FSHR: variants seen among roughly 807,000 people sequenced by gnomAD.
FSHR encodes follicle stimulating hormone receptor.
Under a neutral mutation model 52.1 loss-of-function variants are expected in FSHR, and 46 were observed. That is an observed-to-expected ratio of 0.88 (90% CI 0.70 to 1.13). The LOEUF (loss-of-function observed/expected upper bound fraction) is 1.13. Among genes scored for constraint, FSHR ranks in the 50% most tolerant of loss-of-function variants. The pLI, the probability that FSHR is intolerant of heterozygous loss-of-function variation, is 0.00. For missense variants in FSHR, 964 were observed against 834.6 expected (o/e 1.16, Z -1.91); for synonymous variants, 399 against 309.6 (o/e 1.29, Z -3.03).
intron 2 of FSHR, among the ~76,000 whole-genome samples, chr2:49,026,909 T>A (rs1667929726): frequency 6.6e-6 from 1 of 152,178 alleles, no homozygotes. Context: ...AATCTGCTGA[T>A]GAGGCAAATG....
chr2:49,112,423 T>C (rs1671455158), intron 1 of FSHR, among the ~76,000 whole-genome samples: 1 of 152,188 alleles, frequency 6.6e-6, no homozygotes, highest in African/African-American at 2.4e-5. Context: ...GGAAAGTTGG[T>C]AAACCTAGAT....
chr2:49,112,640 G>C (rs1266940428), intron 1 of FSHR, among the ~76,000 whole-genome samples: 3 of 152,166 alleles, frequency 2.0e-5, no homozygotes, highest in African/African-American at 7.2e-5. Context: ...GTATATTAAA[G>C]AGAGTGTTAG....
At chr2:49,109,955 G>A (rs997202454) in intron 1 of FSHR, among the ~76,000 whole-genome samples, 5 of 152,136 alleles carry the variant, frequency 3.3e-5, no homozygotes, top group African/African-American at 4.8e-5. Context: ...GAGAGTTGGG[G>A]CTATGCAGGT....
At chr2:49,122,688 G>T (rs1671860153) in intron 1 of FSHR, among the ~76,000 whole-genome samples, 2 of 151,950 alleles carry the variant, frequency 1.3e-5, no homozygotes, top group South Asian at 2.1e-4. Flanking sequence ...CCTACTCCAG[G>T]GTGTGCAATA....
chr2:49,069,981 C>G (rs1158075422), intron 1 of FSHR, among the ~76,000 whole-genome samples: 1 of 152,136 alleles, frequency 6.6e-6, no homozygotes, highest in Non-Finnish European at 1.5e-5. Context: ...CTCAGGCAAT[C>G]AGGTCTTTTC....
intron 5 of FSHR, among the ~76,000 whole-genome samples, chr2:48,989,560 C>T (rs938580967): frequency 6.6e-6 from 1 of 152,152 alleles, no homozygotes; most frequent in Non-Finnish European, 1.5e-5. Context: ...GGATTAGAGC[C>T]ACTGGCCACT....
intron 1 of FSHR, among the ~76,000 whole-genome samples, chr2:49,148,227 A>G (rs749909477): frequency 1.3e-5 from 2 of 151,976 alleles, no homozygotes; most frequent in African/African-American, 4.8e-5. Context: ...TAGAATATTC[A>G]ACTTTTAACT....
intron 1 of FSHR, among the ~76,000 whole-genome samples, chr2:49,092,883 C>T (rs921389547): frequency 3.9e-5 from 6 of 152,142 alleles, no homozygotes; most frequent in Non-Finnish European, 1.5e-5. Flanking sequence ...GCAGGCTGGT[C>T]TCGAACTCCT....
intron 8 of FSHR, among the ~76,000 whole-genome samples, chr2:48,971,635 C>A (rs1390203307): frequency 2.0e-5 from 3 of 152,128 alleles, no homozygotes; most frequent in Non-Finnish European, 4.4e-5. Context: ...TAGATCAAAT[C>A]TCCTATATAC....
chr2:49,081,024 C>T (rs949433060), intron 1 of FSHR, among the ~76,000 whole-genome samples: 4 of 152,116 alleles, frequency 2.6e-5, no homozygotes, highest in African/African-American at 9.7e-5. Flanking sequence ...TATGGAAAGA[C>T]AATAAGAGTT....
At chr2:49,118,331 G>C (rs540074846) in intron 1 of FSHR, among the ~76,000 whole-genome samples, 3 of 151,990 alleles carry the variant, frequency 2.0e-5, no homozygotes, top group African/African-American at 7.2e-5. Flanking sequence ...GGGGCCAAAG[G>C]GGAGAAAAGA....
At chr2:49,093,156 GA>G (rs199700056) in intron 1 of FSHR, among the ~76,000 whole-genome samples, 1 of 152,148 alleles carries the variant, frequency 6.6e-6, no homozygotes, top group African/African-American at 2.4e-5. Context: ...GTCTAATTTT[GA>G]TATCAGAGTA....
intron 1 of FSHR, among the ~76,000 whole-genome samples, chr2:49,105,181 G>A (rs1048160790): frequency 6.6e-6 from 1 of 152,106 alleles, no homozygotes; most frequent in African/African-American, 2.4e-5. Context: ...GTGTAATCTA[G>A]GTTATCTGAA....
chr2:49,077,613 T>C (rs2103645753), intron 1 of FSHR, among the ~76,000 whole-genome samples: 1 of 152,336 alleles, frequency 6.6e-6, no homozygotes, highest in African/African-American at 2.4e-5. Flanking sequence ...GATTTTCTTT[T>C]CTATTGCATT....
At chr2:49,004,815 G>A (rs2104159121) in intron 4 of FSHR, among the ~76,000 whole-genome samples, 1 of 152,230 alleles carries the variant, frequency 6.6e-6, no homozygotes, top group Non-Finnish European at 1.5e-5. Flanking sequence ...TTCTGGTGAT[G>A]AAAGACAGAC....
chr2:48,982,884 A>T, intron 8 of FSHR, 28 bp downstream of exon 8: 1 of 1,582,748 alleles, frequency 6.3e-7, no homozygotes, highest in Non-Finnish European at 8.7e-7. Context: ...CTGAGCTCTT[A>T]CACACAGAAA....
rs76983826 is a variant in FSHR at position 49,033,863 on chromosome 2, G to A, written c.225-13703C>T. On this transcript the variant is annotated intron_variant, in intron 2 of 9. Transcript: ENST00000406846. ...TACAGGGCACAAAGGGGCAGGGACT[G>A]GAGGTATTTTTAGAGCTTTAAGTCC... is the stretch of plus-strand genomic sequence containing the variant. Among the ~76,000 whole-genome samples, 4 of 152,254 alleles carry A rather than the reference G, an allele frequency of 2.6e-5. No individual in the cohort carries two copies. The East Asian group carries it at 7.7e-4, about 29-fold the overall frequency.
intron 2 of FSHR, among the ~76,000 whole-genome samples, chr2:49,059,907 A>G (rs371175776): frequency 6.6e-6 from 1 of 152,204 alleles, no homozygotes; most frequent in African/African-American, 2.4e-5. Flanking sequence ...AACAATCAAT[A>G]TAGTGAAAAG....
intron 1 of FSHR, among the ~76,000 whole-genome samples, chr2:49,074,103 A>G (rs1669858264): frequency 6.6e-6 from 1 of 152,100 alleles, no homozygotes. Context: ...AAAATGTAGA[A>G]GTGCTTCAGA....
Sources: allele counts gnomAD v4.1 joint callset (sites outside exome capture counted in the v4.1 genomes callset), GRCh38; gene constraint gnomAD v4.1.1; transcripts MANE v1.5; gene names NCBI Gene and HGNC (gene_info 2026-07-23, HGNC 2026-07-21).